SLC39A5: variants seen among roughly 807,000 people sequenced by gnomAD.
The protein encoded by SLC39A5 is zinc transporter ZIP5.
SLC39A5 carries 42 observed loss-of-function variants against 46.9 expected under a neutral mutation model. That is an observed-to-expected ratio of 0.90 (90% CI 0.70 to 1.16). SLC39A5 has a LOEUF of 1.16. Ranked by LOEUF, SLC39A5 falls within the 50% of genes most tolerant of loss-of-function variation. SLC39A5 has a pLI of 0.00. For synonymous variants in SLC39A5, 311 were observed against 323.1 expected (o/e 0.96, Z 0.40); for missense variants, 677 against 686.8 (o/e 0.99, Z 0.16).
chr12:56,235,124 C>T (rs1176667342), intron 6 of SLC39A5, 33 bp from the exon 7 acceptor site: 2 of 1,548,358 alleles, frequency 1.3e-6, no homozygotes, highest in Non-Finnish European at 1.7e-6. Flanking sequence ...CTCCTCTTGC[C>T]CTGACCTAAC....
At chr12:56,234,788 TG>T in intron 5 of SLC39A5, 35 bp from the exon 6 acceptor site, 1 of 1,611,236 alleles carries the variant, frequency 6.2e-7, no homozygotes. Flanking sequence ...TCATAGTTCC[TG>T]GTGATTCTCC....
intron 12 of SLC39A5, 36 bp from the exon 13 acceptor site, chr12:56,237,552 C>A: frequency 6.2e-7 from 1 of 1,612,872 alleles, no homozygotes; most frequent in Non-Finnish European, 8.5e-7. Context: ...AGGTCAGGGG[C>A]AAGGCCAGAA....
rs1189127938 is a variant in SLC39A5 at position 56,235,694 on chromosome 12, C to T, written c.939C>T (p.Leu313=). 1.3e-5 allele frequency: 21 copies of T among 1,613,880 alleles called. No individual in the cohort carries two copies. Among genetic ancestry groups the T allele is most frequent in the Non-Finnish European group, 1.7e-5 (20 of 1,180,026 alleles). The change falls in exon 8 of 13, where the codon CTC becomes CTT. Residue 313 remains leucine (L), a synonymous_variant. Transcript: ENST00000454355. ...NMLGLLRHRG[L]RPRCCRRKRR... ...TGGGGCTTTTGCGGCACCGAGGGCT[C>T]AGGCCAGTGAGTGATACCCTTTTCT...
Position 56,237,233 on chromosome 12 carries a change from G to T in SLC39A5, c.1372G>T (p.Gly458Trp), listed in dbSNP as rs1165702909. The T allele has an allele frequency of 6.2e-7, 1 of 1,613,868 alleles. No individual in the cohort carries two copies. The highest frequency in any genetic ancestry group is 8.5e-7 in the Non-Finnish European group (1 of 1,179,998). Reference sequence around the variant, plus strand: ...CCTCGTGTCTGGAGCCCTGGGATTGGGGGGTGCAGTCCTGGGGGTGGGGCT... The same window carrying T: ...CCTCGTGTCTGGAGCCCTGGGATTGTGGGGTGCAGTCCTGGGGGTGGGGCT... ...LSLVSGALGL[G>W]GAVLGVGLSL... is the part of the protein sequence containing the mutation. The change falls in exon 12 of 13, where the codon GGG becomes TGG. Residue 458 changes from glycine to tryptophan, a missense_variant. Transcript: ENST00000454355.
Position 56,232,835 on chromosome 12 carries a change from TGCTG to T in SLC39A5, c.436_439del (p.Leu146ThrfsTer8). ...CTGGACCTCCTTCACAGGCTTCTGT[TGCTG>T]GACCACTCATTGGCTGACCACCTGA... On this transcript the variant is annotated frameshift_variant, in exon 5 of 13. Transcript: ENST00000454355. LOFTEE classifies it high-confidence loss of function. 6.2e-7 allele frequency: 1 copy of T among 1,613,074 alleles called. No individual in the cohort carries two copies. Among genetic ancestry groups the T allele is most frequent in the Non-Finnish European group, 8.5e-7 (1 of 1,179,608 alleles).
At chr12:56,234,682 A>G (rs1236818402) in intron 5 of SLC39A5, 142 bp from the exon 6 acceptor site, 1 of 878,390 alleles carries the variant, frequency 1.1e-6, no homozygotes, top group South Asian at 1.6e-5. Flanking sequence ...GTTGGTCTCA[A>G]ACTCCTGACC....
In SLC39A5 at chr12:56,235,143, CT is replaced by C; in HGVS notation, c.635-13del. ...TCTTGCCCTGACCTAACTTCAGCCC[CT>C]GATTCTCCCCAGCCCTGCTTCAGAG... On this transcript the variant is annotated splice_polypyrimidine_tract_variant and intron_variant, in intron 6 of 12. Coordinates refer to ENST00000454355, the MANE Select transcript of SLC39A5 (RefSeq NM_173596.3). 1.3e-6 allele frequency: 2 copies of C among 1,543,724 alleles called. No individual in the cohort carries two copies. Among genetic ancestry groups the C allele is most frequent in the Non-Finnish European group, 8.7e-7 (1 of 1,145,546 alleles).
Position 56,234,955 on chromosome 12 carries a change from G to A in SLC39A5, c.603G>A (p.Pro201=), listed in dbSNP as rs61731625. 219 of 1,611,732 alleles carry A rather than the reference G, an allele frequency of 1.4e-4. No individual in the cohort carries two copies. The highest frequency in any genetic ancestry group is 4.1e-4 in the African/African-American group (31 of 74,964). The change falls in exon 6 of 13, where the codon CCG becomes CCA. Residue 201 remains proline, a synonymous_variant. Transcript: ENST00000454355. ...ACAGCCGCGTCTGCATCGGCGCTCC[G>A]GCCCCTGCACCCCCAGGGGATCTAC... ...QIDSRVCIGA[P]APAPPGDLLS...
chr12:56,237,235 G>A lies in SLC39A5; in HGVS notation c.1374G>A (p.Gly458=), dbSNP rs763639581. The stretch of plus-strand genomic sequence containing the variant: ...TCGTGTCTGGAGCCCTGGGATTGGG[G>A]GGTGCAGTCCTGGGGGTGGGGCTCA... ...LSLVSGALGL[G]GAVLGVGLSL... is the part of the protein sequence containing the mutation. The change falls in exon 12 of 13, where the codon GGG becomes GGA. Residue 458 remains glycine (G), a synonymous_variant. Transcript: ENST00000454355. 15 of 1,613,852 alleles carry A rather than the reference G, an allele frequency of 9.3e-6. No individual in the cohort carries two copies. Among genetic ancestry groups the A allele is most frequent in the Non-Finnish European group, 6.8e-6 (8 of 1,179,996 alleles).
intron 8 of SLC39A5, 116 bp downstream of exon 8, chr12:56,235,816 G>T (rs962324673): frequency 2.2e-6 from 3 of 1,370,476 alleles, no homozygotes; most frequent in African/African-American, 1.4e-5. Flanking sequence ...AGCCCAAGGC[G>T]GGCAGATCAC....
intron 5 of SLC39A5, among the ~76,000 whole-genome samples, chr12:56,234,353 C>T (rs1174508933): frequency 1.7e-4 from 25 of 147,048 alleles, no homozygotes; most frequent in Admixed American, 9.7e-4. Context: ...CTCACTCTGT[C>T]GCCCAGGCTG....
intron 8 of SLC39A5, 113 bp from the exon 9 acceptor site, chr12:56,236,283 C>T (rs17118403): frequency 0.055 from 50,696 of 924,506 alleles, 1,718 homozygotes; most frequent in Non-Finnish European, 0.067. Flanking sequence ...CAAAGAACAT[C>T]CCAGGTGCCA....
chr12:56,234,354 G>T (rs999194894), intron 5 of SLC39A5, among the ~76,000 whole-genome samples: 4 of 138,870 alleles, frequency 2.9e-5, no homozygotes, highest in African/African-American at 1.1e-4. Context: ...TCACTCTGTC[G>T]CCCAGGCTGG....
intron 5 of SLC39A5, among the ~76,000 whole-genome samples, chr12:56,234,620 C>G (rs1448573064): frequency 6.6e-6 from 1 of 152,038 alleles, no homozygotes; most frequent in African/African-American, 2.4e-5. Context: ...CGGCTCATCC[C>G]CAGCTAATTT....
chr12:56,232,946 T>G, intron 5 of SLC39A5, 74 bp downstream of exon 5: 1 of 1,480,150 alleles, frequency 6.8e-7, no homozygotes, highest in Non-Finnish European at 9.1e-7. Flanking sequence ...AATCAGTAGT[T>G]TTTTGTTTTG....
chr12:56,234,970 A>G lies in SLC39A5; in HGVS notation c.618A>G (p.Pro206=), dbSNP rs1870590452. 2 of 1,613,258 alleles carry G rather than the reference A, an allele frequency of 1.2e-6. No homozygotes were observed. The highest frequency in any genetic ancestry group is 2.7e-5 in the African/African-American group (2 of 75,002). ...VCIGAPAPAP[P]GDLLSALLQS... ...TCGGCGCTCCGGCCCCTGCACCCCC[A>G]GGGGATCTACTATCTGGTCAGCAAG... The change falls in exon 6 of 13, where the codon CCA becomes CCG. Residue 206 remains proline, a synonymous_variant. Coordinates refer to ENST00000454355, the MANE Select transcript of SLC39A5 (RefSeq NM_173596.3).
In SLC39A5 at chr12:56,236,420, A is replaced by AATCTCGAAACACGC; in HGVS notation, c.972_985dup (p.Asn329IlefsTer79). ...GAGATGCTGCAGGCGAAAACGAAGG[A>AATCTCGAAACACGC]ATCTCGAAACACGCAACTTGGATCC... On this transcript the variant is annotated frameshift_variant, in exon 9 of 13. Transcript: ENST00000454355. LOFTEE classifies it high-confidence loss of function. 6.2e-7 allele frequency: 1 copy of AATCTCGAAACACGC among 1,614,248 alleles called. No individual in the cohort carries two copies. The highest frequency in any genetic ancestry group is 8.5e-7 in the Non-Finnish European group (1 of 1,180,042).
chr12:56,231,225 C>T lies in SLC39A5; in HGVS notation c.-50C>T, dbSNP rs201286600. 15 of 1,527,172 alleles carry T rather than the reference C, an allele frequency of 9.8e-6. No individual in the cohort carries two copies. Among genetic ancestry groups the T allele is most frequent in the Admixed American group, 4.1e-5 (2 of 49,356 alleles). The allele number at this position is 1,527,172 out of a possible 1,614,324, so 94.6% of individuals were successfully genotyped here. A position where few individuals can be genotyped will look rare whatever the true frequency, so the allele number is the denominator to read the frequency against. On this transcript the variant is annotated 5_prime_UTR_variant, in exon 4 of 13. Coordinates refer to ENST00000454355, the MANE Select transcript of SLC39A5 (RefSeq NM_173596.3). ...CCAGGGCACAGTCCTCAGGATGTTT[C>T]GGGGAGAATAGGAGCCAGAACCTGA...
At chr12:56,231,175 C>G in intron 3 of SLC39A5, 29 bp from the exon 4 acceptor site, 4 of 1,339,042 alleles carry the variant, frequency 3.0e-6, no homozygotes, top group Non-Finnish European at 4.1e-6. Flanking sequence ...GAGCAGAGCG[C>G]AGCTCCAGCC....
Sources: allele counts gnomAD v4.1 joint callset (sites outside exome capture counted in the v4.1 genomes callset), GRCh38; gene constraint gnomAD v4.1.1; transcripts MANE v1.5; gene names NCBI Gene and HGNC (gene_info 2026-07-23, HGNC 2026-07-21).